TRPC3: variants seen among roughly 807,000 people sequenced by gnomAD.
The protein encoded by TRPC3 is transient receptor potential cation channel subfamily C member 3, also known as short transient receptor potential channel 3.
TRPC3 carries 54 observed loss-of-function variants against 90.9 expected under a neutral mutation model. The observed-to-expected ratio is 0.59, with a 90% CI of 0.48 to 0.75. The LOEUF (loss-of-function observed/expected upper bound fraction) is 0.75. TRPC3 is among the 30% of genes least tolerant of loss of function. The pLI is 0.00. For missense variants in TRPC3, 918 were observed against 1,194.5 expected, an observed-to-expected ratio of 0.77 and a Z score of 3.41; for synonymous variants, 424 against 450.9, an observed-to-expected ratio of 0.94 and a Z score of 0.75.
In TRPC3 at chr4:121,879,862, G is replaced by T. The variant is rs1203394657; in HGVS notation, c.2640C>A (p.Ile880=). ...AACGAAGGCTGGAGATATCTTGCTT[G>T]ATTTCTTTTAATTCACCTATAGTAT... ...DEVNEGELKE[I]KQDISSLRYE... Residue 880 remains isoleucine, a synonymous_variant, in exon 12 of 12, where the codon ATC becomes ATA. Coordinates refer to ENST00000379645, the MANE Select transcript of TRPC3 (RefSeq NM_001130698.2). The T allele has an allele frequency of 1.9e-6, 3 of 1,590,118 alleles. No homozygotes were observed. Among genetic ancestry groups the T allele is most frequent in the South Asian group, 1.2e-5 (1 of 85,418 alleles).
intron 10 of TRPC3, among the ~76,000 whole-genome samples, chr4:121,897,578 C>T (rs143252324): frequency 6.0e-5 from 9 of 149,934 alleles, no homozygotes; most frequent in African/African-American, 1.2e-4. Context: ...AAAAAATGCT[C>T]GACATCACTA....
chr4:121,903,780 T>C (rs576272229), intron 8 of TRPC3, among the ~76,000 whole-genome samples: 3 of 152,096 alleles, frequency 2.0e-5, no homozygotes, highest in Non-Finnish European at 4.4e-5. Flanking sequence ...AAAACATACA[T>C]AGAGATTTGG....
chr4:121,947,729 C>A (rs1730542402), intron 1 of TRPC3, among the ~76,000 whole-genome samples: 1 of 152,148 alleles, frequency 6.6e-6, no homozygotes, highest in Non-Finnish European at 1.5e-5. Context: ...AGTATATAAA[C>A]ACAAATTAAC....
intron 10 of TRPC3, among the ~76,000 whole-genome samples, chr4:121,898,269 ATG>A (rs1728586078): frequency 6.6e-6 from 1 of 152,186 alleles, no homozygotes; most frequent in South Asian, 2.1e-4. Flanking sequence ...CAACCCGCAG[ATG>A]AAGGACTGGC....
intron 1 of TRPC3, among the ~76,000 whole-genome samples, chr4:121,945,142 G>A (rs1334298563): frequency 1.3e-5 from 2 of 152,234 alleles, no homozygotes; most frequent in Admixed American, 1.3e-4. Context: ...ATCACACAGT[G>A]TAAGTTACTA....
chr4:121,914,755 G>A (rs1018186867), intron 4 of TRPC3, 25 bp downstream of exon 4: 7 of 1,579,228 alleles, frequency 4.4e-6, no homozygotes, highest in Non-Finnish European at 6.1e-6. Flanking sequence ...CCACCACAGA[G>A]GAAATAGATG....
At chr4:121,903,866 C>T (rs1208553582) in intron 8 of TRPC3, among the ~76,000 whole-genome samples, 1 of 152,136 alleles carries the variant, frequency 6.6e-6, no homozygotes, top group Non-Finnish European at 1.5e-5. Context: ...ATATATACAA[C>T]AGTGAAGAGA....
In TRPC3 at chr4:121,903,051, T is replaced by C. The variant is rs747055538; in HGVS notation, c.2264A>G (p.Asp755Gly). The C allele has an allele frequency of 6.2e-7, 1 of 1,611,594 alleles. No individual in the cohort carries two copies. Among genetic ancestry groups the C allele is most frequent in the Non-Finnish European group, 8.5e-7 (1 of 1,179,170 alleles). ...TGAACGAGCAAACTTCCATTCTACA[T>C]CACTGTCATCCTGTGTCACAAAAAT... ...SSYQEIEDDS[D>G]VEWKFARSKL... is the part of the protein sequence containing the mutation. The change falls in exon 9 of 12, where the codon GAT becomes GGT. Residue 755 changes from aspartate (D) to glycine (G), a missense_variant. This residue lies in a region of TRPC3 where 121 missense variants were observed against 135.7 expected (regional missense o/e 0.89). Transcript: ENST00000379645.
At chr4:121,944,047 C>T (rs913383669) in intron 1 of TRPC3, among the ~76,000 whole-genome samples, 10 of 152,212 alleles carry the variant, frequency 6.6e-5, no homozygotes, top group South Asian at 2.1e-4. Flanking sequence ...CGTGCATAAG[C>T]GTGAAGTCAG....
At chr4:121,919,284 T>C (rs1227188886) in intron 3 of TRPC3, among the ~76,000 whole-genome samples, 1 of 152,232 alleles carries the variant, frequency 6.6e-6, no homozygotes, top group African/African-American at 2.4e-5. Flanking sequence ...AAGAACTGTC[T>C]TCATGGGAAT....
chr4:121,938,735 C>T (rs1264436837), intron 1 of TRPC3, among the ~76,000 whole-genome samples: 1 of 152,142 alleles, frequency 6.6e-6, no homozygotes, highest in Non-Finnish European at 1.5e-5. Context: ...ATCTGTCTGA[C>T]TCTTATTTTC....
chr4:121,904,448 G>T lies in TRPC3; in HGVS notation c.2127C>A (p.Leu709=), dbSNP rs140365543. 1.7e-4 allele frequency: 278 copies of T among 1,604,364 alleles called. 4 individuals are homozygous for T. In the Admixed American group the frequency reaches 4.6e-3, roughly 26 times the overall value. The change falls in exon 8 of 12, where the codon CTC becomes CTA. Residue 709 remains leucine, a synonymous_variant. Coordinates refer to ENST00000379645, the MANE Select transcript of TRPC3 (RefSeq NM_001130698.2). The part of the protein sequence containing the change: ...FGLSEVTSVV[L]KYDHKFIENI... ...TTTCTATGAATTTGTGATCATATTT[G>T]AGCACAACGGAAGTCACTTCAGACA...
intron 2 of TRPC3, among the ~76,000 whole-genome samples, chr4:121,929,703 C>T (rs971110457): frequency 1.3e-5 from 2 of 151,926 alleles, no homozygotes; most frequent in African/African-American, 2.4e-5. Flanking sequence ...CTGTATTCCT[C>T]AAAGAAATGT....
rs1208327504 is a variant in TRPC3 at position 121,877,014 on chromosome 4, T to C, written c.*2722A>G. Among the ~76,000 whole-genome samples the C allele has an allele frequency of 6.6e-6, 1 of 152,184 alleles. No individual in the cohort carries two copies. The highest frequency in any genetic ancestry group is 1.9e-4 in the East Asian group (1 of 5,200). On this transcript the variant is annotated 3_prime_UTR_variant, in exon 12 of 12. Coordinates refer to ENST00000379645, the MANE Select transcript of TRPC3 (RefSeq NM_001130698.2). The stretch of plus-strand genomic sequence containing the variant: ...GTTGTTTTTGGTCCTGTTTAAATGC[T>C]CCCTTCTCTGAGTTGCCCCAACAAC...
At chr4:121,941,601 GTCAGAGAAGAAAAGACAAGAA>G (rs1730313427) in intron 1 of TRPC3, among the ~76,000 whole-genome samples, 1 of 27,478 alleles carries the variant, frequency 3.6e-5, no homozygotes, top group African/African-American at 1.4e-4. Context: ...AGACAAGAAA[GTCAGAGAAGAAAAGACAAGAA>G]AGTCAGAGAA....
intron 10 of TRPC3, among the ~76,000 whole-genome samples, chr4:121,885,328 G>A (rs1330062748): frequency 6.6e-6 from 1 of 152,130 alleles, no homozygotes; most frequent in Non-Finnish European, 1.5e-5. Flanking sequence ...AAAGACTCTT[G>A]AGGTCTCTCT....
intron 10 of TRPC3, among the ~76,000 whole-genome samples, chr4:121,883,062 C>T (rs1310199538): frequency 1.3e-5 from 2 of 152,098 alleles, no homozygotes; most frequent in East Asian, 3.9e-4. Flanking sequence ...TAAATAAATG[C>T]TCTTCTAGGA....
At chr4:121,949,011 G>C (rs1730592313) in intron 1 of TRPC3, among the ~76,000 whole-genome samples, 1 of 152,068 alleles carries the variant, frequency 6.6e-6, no homozygotes, top group Admixed American at 6.5e-5. Flanking sequence ...TTTGTGGCTT[G>C]CAGTACCTAG....
chr4:121,934,856 G>A (rs1484289134), intron 1 of TRPC3, among the ~76,000 whole-genome samples: 1 of 152,222 alleles, frequency 6.6e-6, no homozygotes, highest in Non-Finnish European at 1.5e-5. Flanking sequence ...CTCTATAGAG[G>A]TATGGCAACT....
Sources: gnomAD v4.1 joint callset for allele counts (sites outside exome capture counted in the v4.1 genomes callset) on GRCh38, gnomAD v4.1.1 for gene constraint, gnomAD v4.1.1 regional missense constraint, MANE v1.5 for transcripts, NCBI Gene and HGNC (gene_info 2026-07-23, HGNC 2026-07-21) for gene names.